VPS36: variants seen among roughly 807,000 people sequenced by gnomAD.
VPS36 encodes the protein vacuolar protein sorting 36 homolog, also known as vacuolar protein-sorting-associated protein 36.
A neutral mutation model predicts 63.5 loss-of-function variants in VPS36; 31 were observed. The ratio of observed to expected loss-of-function variants is 0.49; its 90% confidence interval spans 0.37 to 0.66. VPS36 has a LOEUF of 0.66. VPS36 is among the 30% of genes least tolerant of loss of function. The pLI, the probability that VPS36 is intolerant of heterozygous loss-of-function variation, is 0.00. For synonymous variants in VPS36, 138 were observed against 157.2 expected (o/e 0.88, Z 0.91); for missense variants, 338 against 463.7 (o/e 0.73, Z 2.49).
chr13:52,421,771 G>A (rs941525131), intron 10 of VPS36, among the ~76,000 whole-genome samples: 3 of 151,930 alleles, frequency 2.0e-5, no homozygotes, highest in Admixed American at 6.6e-5. Flanking sequence ...TATTCTGCCC[G>A]CCTCAGCCTC....
intron 2 of VPS36, 30 bp downstream of exon 2, chr13:52,442,347 C>T (rs778860245): frequency 1.3e-6 from 2 of 1,590,278 alleles, no homozygotes; most frequent in East Asian, 4.5e-5. Flanking sequence ...AAAATAAAAC[C>T]TACAACAGAT....
In VPS36 at chr13:52,424,072, C is replaced by G. The variant is rs536347995; in HGVS notation, c.775-433G>C. Among the ~76,000 whole-genome samples, 4 of 152,070 alleles carry G rather than the reference C, an allele frequency of 2.6e-5. No individual in the cohort carries two copies. In the South Asian group the frequency reaches 8.3e-4, roughly 32 times the overall value. ...ACAGGGTTTCACCATGTTGGTTGGG[C>G]TGGTCTCGAACTTCTGACCTCAAAT... On this transcript the variant is annotated intron_variant, in intron 9 of 13. Transcript: ENST00000378060.
chr13:52,431,173 G>A (rs1958151044), intron 6 of VPS36, among the ~76,000 whole-genome samples: 1 of 152,096 alleles, frequency 6.6e-6, no homozygotes, highest in East Asian at 1.9e-4. Flanking sequence ...CTGAGGCAGA[G>A]AGTGTATGTA....
chr13:52,434,910 T>C, intron 4 of VPS36, 28 bp from the exon 5 acceptor site: 1 of 1,577,900 alleles, frequency 6.3e-7, no homozygotes, highest in Non-Finnish European at 8.7e-7. Flanking sequence ...ACACTTTAAA[T>C]GACTCAGTCA....
chr13:52,446,329 C>CA (rs1422629959), intron 1 of VPS36, among the ~76,000 whole-genome samples: 39 of 151,846 alleles, frequency 2.6e-4, no homozygotes, highest in African/African-American at 8.9e-4. Flanking sequence ...TAAGAAACTT[C>CA]GTATGTTATC....
intron 6 of VPS36, among the ~76,000 whole-genome samples, chr13:52,432,453 C>A (rs1958169525): frequency 6.6e-6 from 1 of 152,126 alleles, no homozygotes; most frequent in Non-Finnish European, 1.5e-5. Context: ...AAGGAAAATG[C>A]AATTATCCTG....
chr13:52,433,902 CAT>C (rs1313441996), intron 5 of VPS36, among the ~76,000 whole-genome samples, 154 bp from the exon 6 acceptor site: 2 of 152,138 alleles, frequency 1.3e-5, no homozygotes, highest in Non-Finnish European at 2.9e-5. Flanking sequence ...CCCTTCAAAA[CAT>C]GTGTTTGTTT....
At chr13:52,439,453 TA>T (rs1222480719) in intron 2 of VPS36, among the ~76,000 whole-genome samples, 1 of 149,118 alleles carries the variant, frequency 6.7e-6, no homozygotes, top group African/African-American at 2.5e-5. Context: ...TTTTTTAATT[TA>T]TTTTTTTTTG....
intron 1 of VPS36, among the ~76,000 whole-genome samples, chr13:52,449,476 AG>A (rs1357656728): frequency 2.6e-5 from 4 of 152,260 alleles, no homozygotes; most frequent in African/African-American, 9.6e-5. Context: ...TAAGAGAGTC[AG>A]AGGACCTGGG....
chr13:52,449,926 G>A, intron 1 of VPS36: 1 of 985,502 alleles, frequency 1.0e-6, no homozygotes, highest in Non-Finnish European at 1.2e-6. Context: ...ATGAAGCACT[G>A]ATACCTCTTT....
chr13:52,425,750 A>G, intron 9 of VPS36, 182 bp downstream of exon 9: 1 of 575,178 alleles, frequency 1.7e-6, no homozygotes, highest in Non-Finnish European at 2.6e-6. Context: ...ATTAAAAACA[A>G]CTTAGAAAAT....
intron 9 of VPS36, among the ~76,000 whole-genome samples, chr13:52,423,982 T>C (rs939831496): frequency 6.6e-6 from 1 of 152,070 alleles, no homozygotes; most frequent in African/African-American, 2.4e-5. Flanking sequence ...CTCAGCCTCC[T>C]GAGTAGCTGG....
chr13:52,445,894 C>A lies in VPS36; in HGVS notation c.97-3449G>T, dbSNP rs190067011. 3.2e-5 allele frequency among the ~76,000 whole-genome samples: 4 copies of A among 124,336 alleles called. No homozygotes were observed. The Admixed American group carries it at 3.6e-4, about 11-fold the overall frequency. The allele number at this position is 124,336 out of a possible 152,430, so 81.6% of individuals were successfully genotyped here. ...GGCGGAGCTTGCAGTGAGCGGAGAT[C>A]GCGCCACTGCACTCCAGCCTGGGCG... On this transcript the variant is annotated intron_variant, in intron 1 of 13. Transcript: ENST00000378060.
intron 9 of VPS36, 108 bp downstream of exon 9, chr13:52,425,824 G>T: frequency 8.5e-7 from 1 of 1,177,422 alleles, no homozygotes. Context: ...AAACATGTCA[G>T]TTGACAATAA....
chr13:52,433,751 GA>G lies in VPS36; in HGVS notation c.442-4del, dbSNP rs555586882. ...CCTACAGCCCTTATTCTTCCTGGCT[GA>G]AAAAAAAAAGAGGTAGAAAATAAAA... On this transcript the variant is annotated splice_polypyrimidine_tract_variant and splice_region_variant and intron_variant, in intron 5 of 13. Coordinates refer to ENST00000378060, the MANE Select transcript of VPS36 (RefSeq NM_016075.4). The G allele has an allele frequency of 1.2e-3, 1,622 of 1,371,092 alleles. No individual in the cohort carries two copies. Among genetic ancestry groups the G allele is most frequent in the Admixed American group, 2.9e-3 (130 of 44,214 alleles). 84.9% of individuals were successfully genotyped at this position (1,371,092 alleles called of 1,614,324 possible).
Position 52,420,241 on chromosome 13 carries a change from C to CA in VPS36, c.841-2186dup, listed in dbSNP as rs377476548. The stretch of plus-strand genomic sequence containing the variant: ...TGGGTGACAAAAGTTAAGACTGTCT[C>CA]AAAAAAAAAAAGGGGGGGAATAAGA... On this transcript the variant is annotated intron_variant, in intron 10 of 13. Coordinates refer to ENST00000378060, the MANE Select transcript of VPS36 (RefSeq NM_016075.4). 1.5e-3 allele frequency among the ~76,000 whole-genome samples: 156 copies of CA among 107,148 alleles called. 1 individual carries two copies. The highest frequency in any genetic ancestry group is 9.5e-3 in the South Asian group (32 of 3,352). 70.3% of individuals were successfully genotyped at this position (107,148 alleles called of 152,430 possible).
At chr13:52,450,470 C>T (rs774562840) in intron 1 of VPS36, 29 bp downstream of exon 1, 1 of 1,577,952 alleles carries the variant, frequency 6.3e-7, no homozygotes, top group East Asian at 2.4e-5. Context: ...CTTCCGCCAG[C>T]CCGTTGGGAA....
At chr13:52,445,076 G>A (rs547117319) in intron 1 of VPS36, among the ~76,000 whole-genome samples, 3 of 152,238 alleles carry the variant, frequency 2.0e-5, no homozygotes, top group Admixed American at 2.0e-4. Flanking sequence ...CAGACCTTCT[G>A]AACCATCTAG....
rs1424992439 is a variant in VPS36 at position 52,439,103 on chromosome 13, C to T, written c.231G>A (p.Gly77=). ...TGTGCTATACACAGACTTACCTCTT[C>T]CCAATTCCAGCCGCCTGTTCTTCAA... ...VFIEEQAAGI[G]KSAKIVVHLH... is the part of the protein sequence containing the mutation. Residue 77 remains glycine (G), a synonymous_variant, in exon 3 of 14, where the codon GGG becomes GGA. Coordinates refer to ENST00000378060, the MANE Select transcript of VPS36 (RefSeq NM_016075.4). 1.9e-6 allele frequency: 3 copies of T among 1,613,484 alleles called. No homozygotes were observed. The African/African-American group carries it at 4.0e-5, about 22-fold the overall frequency.
Sources: gnomAD v4.1 joint callset for allele counts (sites outside exome capture counted in the v4.1 genomes callset) on GRCh38, gnomAD v4.1.1 for gene constraint, MANE v1.5 for transcripts, NCBI Gene and HGNC (gene_info 2026-07-23, HGNC 2026-07-21) for gene names.